Variants in TTF1 observed in about 807,000 individuals in gnomAD.
TTF1 encodes transcription termination factor, RNA polymerase I.
Under a neutral mutation model 80.2 loss-of-function variants are expected in TTF1, and 64 were observed. That is an observed-to-expected ratio of 0.80 (90% CI 0.65 to 0.98). TTF1 has a LOEUF of 0.98. Among genes scored for constraint, TTF1 ranks in the 50% least tolerant of loss-of-function variants. The pLI is 0.00. For missense variants in TTF1, 1,023 were observed against 1,086.2 expected (o/e 0.94, Z 0.82); for synonymous variants, 372 against 382.7 (o/e 0.97, Z 0.33).
At chr9:132,388,616 C>T (rs997902350) in intron 7 of TTF1, among the ~76,000 whole-genome samples, 35 of 152,220 alleles carry the variant, frequency 2.3e-4, no homozygotes, top group African/African-American at 8.4e-4. Context: ...GCTGGGATTA[C>T]AGACATGAGC....
In TTF1 at chr9:132,402,153, C is replaced by G; in HGVS notation, c.669G>C (p.Lys223Asn). 6.2e-7 allele frequency: 1 copy of G among 1,613,874 alleles called. No homozygotes were observed. The highest frequency in any genetic ancestry group is 8.5e-7 in the Non-Finnish European group (1 of 1,179,978). Residue 223 changes from lysine to asparagine, a missense_variant, in exon 2 of 11, where the codon AAG (lysine) becomes AAC (asparagine). Physicochemically the swap from Lys to Asn is moderately conservative, Grantham distance 94 (BLOSUM62 0). Coordinates refer to ENST00000334270, the MANE Select transcript of TTF1 (RefSeq NM_007344.4). ...SAHKNKSKKK[K>N]KKSSNREYET... ...CATATTCCCGGTTACTGGACTTTTT[C>G]TTTTTTTTCTTAGACTTGTTTTTAT...
At position 132,401,674 on chromosome 9, in the gene TTF1, T is replaced by C. The variant is rs368713597; in HGVS notation, c.1148A>G (p.Asn383Ser). ...STALKGFKES[N>S]STKKKSKKRK... ...TTTCTTAGACTTCTTCTTTGTACTG[T>C]TGGATTCCTTGAACCCTTTAAGAGC... The change falls in exon 2 of 11, where the codon AAC (asparagine) becomes AGC (serine). Residue 383 changes from asparagine (N) to serine (S), a missense_variant. Transcript: ENST00000334270. 16 of 1,614,116 alleles carry C rather than the reference T, an allele frequency of 9.9e-6. No homozygotes were observed. The African/African-American group carries it at 1.9e-4, about 19-fold the overall frequency.
At chr9:132,403,484 T>G (rs901258308) in intron 1 of TTF1, among the ~76,000 whole-genome samples, 3 of 151,934 alleles carry the variant, frequency 2.0e-5, no homozygotes, top group Non-Finnish European at 4.4e-5. Context: ...CAGCTCTCCA[T>G]GAAATTCTCT....
intron 7 of TTF1, 69 bp downstream of exon 7, chr9:132,390,528 G>T: frequency 6.7e-7 from 1 of 1,484,848 alleles, no homozygotes; most frequent in Non-Finnish European, 9.3e-7. Flanking sequence ...CAGTTACACA[G>T]ATATTCTTGG....
chr9:132,377,359 GT>G, intron 10 of TTF1, among the ~76,000 whole-genome samples: 1 of 141,048 alleles, frequency 7.1e-6, no homozygotes, highest in African/African-American at 2.8e-5. Flanking sequence ...CATGTGGTGT[GT>G]GTGAGTGCAT....
rs1849786938 is a variant in TTF1 at position 132,402,551 on chromosome 9, ATCT to A, written c.268_270del (p.Arg90del). On this transcript the variant is annotated inframe_deletion, in exon 2 of 11. Coordinates refer to ENST00000334270, the MANE Select transcript of TTF1 (RefSeq NM_007344.4). ...TCCTCGTCCACCTCCAAAGCACTATATCTTCTCTTTTTTCTCTTTTTGAGTGTG... is the reference window on the plus strand; with the variant it reads ...TCCTCGTCCACCTCCAAAGCACTATATCTCTTTTTTCTCTTTTTGAGTGTG... 6.2e-7 allele frequency: 1 copy of A among 1,614,042 alleles called. No homozygotes were observed. The highest frequency in any genetic ancestry group is 8.5e-7 in the Non-Finnish European group (1 of 1,180,030).
intron 7 of TTF1, among the ~76,000 whole-genome samples, chr9:132,389,702 A>AGCATGCAGAACCACTGGTTT (rs1419925720): frequency 1.3e-5 from 2 of 152,178 alleles, no homozygotes; most frequent in African/African-American, 2.4e-5. Context: ...GGGGGTCATG[A>AGCATGCAGAACCACTGGTTT]GCATGCAGAA....
chr9:132,406,505 G>C (rs1025497700), intron 1 of TTF1, among the ~76,000 whole-genome samples: 12 of 151,870 alleles, frequency 7.9e-5, no homozygotes, highest in Non-Finnish European at 1.6e-4. Context: ...GGGAGGCTGA[G>C]GCAGGAGAAT....
At chr9:132,381,637 G>C (rs1168646331) in intron 9 of TTF1, among the ~76,000 whole-genome samples, 1 of 152,204 alleles carries the variant, frequency 6.6e-6, no homozygotes, top group Non-Finnish European at 1.5e-5. Flanking sequence ...CTATGATGCT[G>C]AAGAGTGGGC....
chr9:132,390,955 AAAAC>A, intron 6 of TTF1, 124 bp from the exon 7 acceptor site: 1 of 821,230 alleles, frequency 1.2e-6, no homozygotes, highest in Non-Finnish European at 1.9e-6. Flanking sequence ...ATATAGACAT[AAAAC>A]AAACACAATT....
intron 9 of TTF1, among the ~76,000 whole-genome samples, chr9:132,383,060 C>T (rs1030227399): frequency 2.0e-4 from 2 of 9,808 alleles, no homozygotes; most frequent in Non-Finnish European, 4.0e-4. Context: ...AGTGAAAATC[C>T]GTCTCAAAAA....
chr9:132,396,986 C>T (rs931889392), intron 4 of TTF1, among the ~76,000 whole-genome samples: 12 of 152,090 alleles, frequency 7.9e-5, no homozygotes, highest in African/African-American at 1.9e-4. Context: ...CCGCCCTCCT[C>T]GGCCTCCCAG....
At chr9:132,398,008 T>C (rs1216839822) in intron 4 of TTF1, 133 bp downstream of exon 4, 14 of 596,550 alleles carry the variant, frequency 2.3e-5, no homozygotes, top group Admixed American at 4.1e-5. Context: ...AAGAATATCA[T>C]CAGCCATCAC....
At chr9:132,397,682 A>G (rs980568677) in intron 4 of TTF1, among the ~76,000 whole-genome samples, 1 of 152,218 alleles carries the variant, frequency 6.6e-6, no homozygotes, top group African/African-American at 2.4e-5. Context: ...GAAAGTACAG[A>G]CTGGCAATAA....
chr9:132,391,735 G>A (rs1206354897), intron 6 of TTF1, among the ~76,000 whole-genome samples: 2 of 152,192 alleles, frequency 1.3e-5, no homozygotes, highest in African/African-American at 4.8e-5. Flanking sequence ...CGAACTGCGT[G>A]CCTGCCTCCC....
Position 132,402,051 on chromosome 9 carries a change from C to T in TTF1, c.771G>A (p.Val257=), listed in dbSNP as rs1286419262. The T allele has an allele frequency of 5.6e-6, 9 of 1,613,980 alleles. No homozygotes were observed. The highest frequency in any genetic ancestry group is 1.7e-5 in the Admixed American group (1 of 59,998). The change falls in exon 2 of 11, where the codon GTG becomes GTA. Residue 257 remains valine (V), a synonymous_variant. Coordinates refer to ENST00000334270, the MANE Select transcript of TTF1 (RefSeq NM_007344.4). The part of the protein sequence containing the change: ...GTDMQESQPT[V]GLDDETPQLL... ...GTTGTGGAGTTTCATCATCCAAGCC[C>T]ACAGTAGGCTGGGATTCCTGCATAT...
intron 5 of TTF1, among the ~76,000 whole-genome samples, chr9:132,395,605 C>G (rs966663063): frequency 1.4e-4 from 21 of 152,160 alleles, no homozygotes; most frequent in African/African-American, 4.8e-4. Flanking sequence ...CTTTCCTCAC[C>G]TAAGGCTGAT....
chr9:132,392,543 TGC>T (rs1849578976), intron 5 of TTF1, among the ~76,000 whole-genome samples: 1 of 151,910 alleles, frequency 6.6e-6, no homozygotes, highest in Non-Finnish European at 1.5e-5. Context: ...GTTTAAAGGG[TGC>T]GTTTTCGGGG....
chr9:132,380,163 A>G (rs549057), intron 9 of TTF1, among the ~76,000 whole-genome samples: 150,100 of 152,244 alleles, frequency 0.99, 74,028 homozygotes, highest in East Asian at 1. Context: ...TCTGCCTCCA[A>G]GGTTCAGGTT....
Sources: gnomAD v4.1 joint callset for allele counts (sites outside exome capture counted in the v4.1 genomes callset) on GRCh38, gnomAD v4.1.1 for gene constraint, MANE v1.5 for transcripts, NCBI Gene and HGNC (gene_info 2026-07-23, HGNC 2026-07-21) for gene names.